CCDC66: variants seen among roughly 807,000 people sequenced by gnomAD.
CCDC66 encodes coiled-coil domain containing 66.
CCDC66 carries 133 observed loss-of-function variants against 128.3 expected under a neutral mutation model. That is an observed-to-expected ratio of 1.04 (90% CI 0.90 to 1.20). CCDC66 has a LOEUF of 1.20. Ranked by LOEUF, CCDC66 falls within the 50% of genes most tolerant of loss-of-function variation. The pLI, the probability that CCDC66 is intolerant of heterozygous loss-of-function variation, is 0.00. For missense variants in CCDC66, 1,126 were observed against 1,075.5 expected, an observed-to-expected ratio of 1.05 and a Z score of -0.66; for synonymous variants, 387 against 357.0, an observed-to-expected ratio of 1.08 and a Z score of -0.95.
At chr3:56,579,557 A>G (rs1448260357) in intron 7 of CCDC66, among the ~76,000 whole-genome samples, 2 of 151,736 alleles carry the variant, frequency 1.3e-5, no homozygotes, top group Middle Eastern at 3.2e-3. Flanking sequence ...AGTGCTATAA[A>G]TTTCCCTCTA....
rs994901125 is a variant in CCDC66, at chr3:56,621,472, A to G, written c.2761-60A>G. 49 of 1,097,542 alleles carry G rather than the reference A, an allele frequency of 4.5e-5. 1 individual carries two copies. In the Middle Eastern group the frequency reaches 6.3e-4, roughly 14 times the overall value. The allele number at this position is 1,097,542 out of a possible 1,614,324, so 68.0% of individuals were successfully genotyped here. A position where few individuals can be genotyped will look rare whatever the true frequency, so the allele number is the denominator to read the frequency against. ...CAAGTGAATATAATTCTAGTTTAACACAACATTGCAAGTCAGGTGTGCACA... is the reference window on the plus strand; with the variant it reads ...CAAGTGAATATAATTCTAGTTTAACGCAACATTGCAAGTCAGGTGTGCACA... On this transcript the variant is annotated intron_variant, in intron 17 of 17. Transcript: ENST00000394672.
At chr3:56,600,484 C>T (rs113459725) in intron 10 of CCDC66, among the ~76,000 whole-genome samples, 7 of 152,042 alleles carry the variant, frequency 4.6e-5, no homozygotes, top group South Asian at 4.2e-4. Context: ...ATAATCCCTT[C>T]GGTATATACC....
chr3:56,578,463 G>C (rs1378406589), intron 7 of CCDC66, among the ~76,000 whole-genome samples: 1 of 151,816 alleles, frequency 6.6e-6, no homozygotes, highest in Admixed American at 6.6e-5. Context: ...GGAGTGGAGA[G>C]AGAGGGCATC....
At chr3:56,617,704 GT>G in intron 14 of CCDC66, 99 bp downstream of exon 14, 1 of 1,431,282 alleles carries the variant, frequency 7.0e-7, no homozygotes, top group Non-Finnish European at 9.4e-7. Context: ...ATCTGTTTCA[GT>G]TTACATTAGG....
intron 10 of CCDC66, among the ~76,000 whole-genome samples, chr3:56,607,519 C>T (rs1255363490): frequency 1.3e-5 from 2 of 152,092 alleles, no homozygotes; most frequent in Admixed American, 1.3e-4. Context: ...ATTATTTTAT[C>T]AGTTCTAGGA....
chr3:56,582,418 C>T (rs1048537443), intron 7 of CCDC66, among the ~76,000 whole-genome samples: 1 of 151,862 alleles, frequency 6.6e-6, no homozygotes, highest in South Asian at 2.1e-4. Context: ...TGACAATCCC[C>T]AGTGAGATGA....
chr3:56,597,253 T>A (rs966955424), intron 10 of CCDC66, among the ~76,000 whole-genome samples: 11 of 152,126 alleles, frequency 7.2e-5, no homozygotes, highest in Admixed American at 4.6e-4. Flanking sequence ...GTTCCATTGA[T>A]CTATATGTCT....
At chr3:56,603,629 G>C (rs892197381) in intron 10 of CCDC66, among the ~76,000 whole-genome samples, 1 of 152,046 alleles carries the variant, frequency 6.6e-6, no homozygotes, top group Non-Finnish European at 1.5e-5. Context: ...GTTCTAATTT[G>C]ATTGCACTGT....
intron 1 of CCDC66, 78 bp from the exon 2 acceptor site, chr3:56,558,768 G>A: frequency 1.0e-6 from 1 of 958,802 alleles, no homozygotes; most frequent in Non-Finnish European, 1.6e-6. Flanking sequence ...TTATTGTCAG[G>A]TTCAAATGAA....
rs777086322 is a variant in CCDC66 at position 56,593,758 on chromosome 3, G to T, written c.1319+17G>T. Reference sequence around the variant, plus strand: ...GAAAACAAAGTAAGTTCATGCTTATGTATTTATTGACTTTTCAGAAAGTCT... The same window carrying T: ...GAAAACAAAGTAAGTTCATGCTTATTTATTTATTGACTTTTCAGAAAGTCT... On this transcript the variant is annotated intron_variant, in intron 9 of 17. Coordinates refer to ENST00000394672, the MANE Select transcript of CCDC66 (RefSeq NM_001141947.3). 5 of 1,605,772 alleles carry T rather than the reference G, an allele frequency of 3.1e-6. No homozygotes were observed. The highest frequency in any genetic ancestry group is 4.3e-6 in the Non-Finnish European group (5 of 1,173,402).
At chr3:56,597,995 C>T (rs1379645957) in intron 10 of CCDC66, among the ~76,000 whole-genome samples, 2 of 151,390 alleles carry the variant, frequency 1.3e-5, no homozygotes, top group Admixed American at 6.6e-5. Context: ...AGGCTGGTCT[C>T]GAACTCCTGA....
Position 56,617,462 on chromosome 3 carries a change from G to T in CCDC66, c.2194G>T (p.Val732Leu), listed in dbSNP as rs74521927. Residue 732 changes from valine to leucine, a missense_variant, in exon 14 of 18, where the codon GTA becomes TTA. Val to Leu is a conservative substitution (Grantham distance 32). Coordinates refer to ENST00000394672, the MANE Select transcript of CCDC66 (RefSeq NM_001141947.3). ...TCAAAAGCAGAGAGAAGAAAAAAAAGTAAGGAGGCAGATGGAATTGCTTCA... is the reference window on the plus strand; with the variant it reads ...TCAAAAGCAGAGAGAAGAAAAAAAATTAAGGAGGCAGATGGAATTGCTTCA... Reference protein sequence around the residue: ...QLQKQREEKKVRRQMELLHLV... With the variant: ...QLQKQREEKKLRRQMELLHLV... The T allele has an allele frequency of 1.2e-6, 2 of 1,613,924 alleles. No individual in the cohort carries two copies. Among genetic ancestry groups the T allele is most frequent in the East Asian group, 4.5e-5 (2 of 44,858 alleles).
intron 3 of CCDC66, 63 bp from the exon 4 acceptor site, chr3:56,563,621 A>G (rs774573555): frequency 3.9e-6 from 5 of 1,296,568 alleles, no homozygotes; most frequent in Middle Eastern, 2.1e-4. Flanking sequence ...CACAGATCAT[A>G]TAAAGATAAT....
At chr3:56,594,682 CA>C (rs71621827) in intron 10 of CCDC66, among the ~76,000 whole-genome samples, 101 of 131,430 alleles carry the variant, frequency 7.7e-4, no homozygotes, top group Middle Eastern at 4.3e-3. Flanking sequence ...GACTCCATCT[CA>C]AAAAAAAAAA....
intron 17 of CCDC66, chr3:56,620,799 GTTAT>G (rs372683234): frequency 5.3e-5 from 8 of 152,348 alleles, no homozygotes; most frequent in African/African-American, 1.9e-4. Flanking sequence ...AGCACCCAGT[GTTAT>G]TTCAGCAGGA....
intron 3 of CCDC66, 84 bp downstream of exon 3, chr3:56,559,678 A>C (rs181085908): frequency 9.3e-7 from 1 of 1,071,388 alleles, no homozygotes; most frequent in African/African-American, 1.6e-5. Flanking sequence ...ATTCCTGGGA[A>C]ATGTCAAGTG....
In CCDC66 at chr3:56,613,728, T is replaced by C. The variant is rs777863009; in HGVS notation, c.1544T>C (p.Ile515Thr). The change falls in exon 11 of 18, where the codon ATA becomes ACA. Residue 515 changes from isoleucine (I) to threonine (T), a missense_variant. Coordinates refer to ENST00000394672, the MANE Select transcript of CCDC66 (RefSeq NM_001141947.3). ...ATGCAGAAACAGTATGAAGAAGACA[T>C]ACTTAAGCAAAAACAAAAGGAAGTA... Reference protein sequence around the residue: ...EEMQKQYEEDILKQKQKEEIM... With the variant: ...EEMQKQYEEDTLKQKQKEEIM... 11 of 1,607,550 alleles carry C rather than the reference T, an allele frequency of 6.8e-6. 1 individual carries two copies. In the South Asian group the frequency reaches 9.0e-5, roughly 13 times the overall value.
intron 10 of CCDC66, among the ~76,000 whole-genome samples, chr3:56,606,335 T>C (rs2074064897): frequency 6.6e-6 from 1 of 151,944 alleles, no homozygotes; most frequent in Non-Finnish European, 1.5e-5. Context: ...GAAAAAAAAC[T>C]CCTACAGTTA....
chr3:56,596,842 C>T (rs766614923), intron 10 of CCDC66, among the ~76,000 whole-genome samples: 27 of 150,880 alleles, frequency 1.8e-4, no homozygotes, highest in Non-Finnish European at 2.8e-4. Flanking sequence ...GCCGCCTCCA[C>T]CTCCCAGGTT....
Sources: gnomAD v4.1 joint callset for allele counts (sites outside exome capture counted in the v4.1 genomes callset) on GRCh38, gnomAD v4.1.1 for gene constraint, MANE v1.5 for transcripts, NCBI Gene and HGNC (gene_info 2026-07-23, HGNC 2026-07-21) for gene names.